URB1: variants seen among roughly 807,000 people sequenced by gnomAD.
URB1 encodes the protein nucleolar pre-ribosomal-associated protein 1.
A neutral mutation model predicts 242.3 loss-of-function variants in URB1; 197 were observed. That is an observed-to-expected ratio of 0.81 (90% CI 0.72 to 0.91). The LOEUF is 0.91. Among genes scored for constraint, URB1 ranks in the 40% least tolerant of loss-of-function variants. URB1 has a pLI of 0.00. For synonymous variants in URB1, 1,153 were observed against 1,201.8 expected, an observed-to-expected ratio of 0.96 and a Z score of 0.84; for missense variants, 2,721 against 2,860.5, an observed-to-expected ratio of 0.95 and a Z score of 1.11.
At chr21:32,365,726 G>A (rs1179529407) in intron 10 of URB1, among the ~76,000 whole-genome samples, 1 of 152,096 alleles carries the variant, frequency 6.6e-6, no homozygotes, top group Non-Finnish European at 1.5e-5. Context: ...ACCCTGGAGG[G>A]GTATCAAAAA....
rs1163058373 is a variant in URB1, at chr21:32,359,875, A to T, written c.1790T>A (p.Val597Glu). 2 of 1,547,924 alleles carry T rather than the reference A, an allele frequency of 1.3e-6. No homozygotes were observed. Among genetic ancestry groups the T allele is most frequent in the African/African-American group, 1.4e-5 (1 of 72,768 alleles). ...VISEQGLREE[V>E]PPILQHHMLK... ...CATGTGGTGCTGCAGAATGGGAGGC[A>T]CCTCCTCTCGAAGGCCCTGCTCAGA... The change falls in exon 14 of 39, where the codon GTG (valine) becomes GAG (glutamate). Residue 597 changes from valine to glutamate, a missense_variant. Val to Glu is a moderately radical substitution (Grantham distance 121). Coordinates refer to ENST00000382751, the MANE Select transcript of URB1 (RefSeq NM_014825.3).
chr21:32,344,583 A>T lies in URB1; in HGVS notation c.4244T>A (p.Leu1415Ter). 4 of 1,552,266 alleles carry T rather than the reference A, an allele frequency of 2.6e-6. No individual in the cohort carries two copies. The highest frequency in any genetic ancestry group is 3.5e-6 in the Non-Finnish European group (4 of 1,147,126). Residue 1415 changes from leucine (L) to a stop codon, truncating the protein, a stop_gained, in exon 24 of 39, where the codon TTA (leucine) becomes TAA (stop). Coordinates refer to ENST00000382751, the MANE Select transcript of URB1 (RefSeq NM_014825.3). LOFTEE classifies it high-confidence loss of function. ...QNQEKEMLLR[L>*]NALLHALNEV... ...AAAGACACTTACCAACAACGCATTT[A>T]ATCTAAGCAGCATTTCCTTCTCCTG...
chr21:32,329,960 G>C (rs1322620505), intron 30 of URB1, among the ~76,000 whole-genome samples: 1 of 152,162 alleles, frequency 6.6e-6, no homozygotes, highest in East Asian at 1.9e-4. Context: ...AGGGAGGAAG[G>C]GGCTTGAGGA....
chr21:32,352,237 T>C (rs2033166352), intron 19 of URB1, among the ~76,000 whole-genome samples: 2 of 152,052 alleles, frequency 1.3e-5, no homozygotes, highest in South Asian at 4.1e-4. Flanking sequence ...GAGAATGTAG[T>C]CCCCAGCAAA....
Position 32,393,004 on chromosome 21 carries a change from A to C in URB1, c.-94T>G. 8.7e-6 allele frequency: 12 copies of C among 1,372,476 alleles called. No homozygotes were observed. Among genetic ancestry groups the C allele is most frequent in the Non-Finnish European group, 1.1e-5 (12 of 1,051,106 alleles). 85.0% of individuals were successfully genotyped at this position (1,372,476 alleles called of 1,614,324 possible). A position where few individuals can be genotyped will look rare whatever the true frequency, so the allele number is the denominator to read the frequency against. On this transcript the variant is annotated 5_prime_UTR_variant, in exon 1 of 39. The change abolishes an upstream ATG in the 5' untranslated region. Coordinates refer to ENST00000382751, the MANE Select transcript of URB1 (RefSeq NM_014825.3). ...CAGCAGACACGCGCTTCAGGCCCAC[A>C]TGGCGCAGGAAGAGGCGGGGCTGGC... is the stretch of plus-strand genomic sequence containing the variant.
intron 26 of URB1, 81 bp downstream of exon 26, chr21:32,338,626 A>G (rs2032990904): frequency 6.8e-7 from 1 of 1,462,350 alleles, no homozygotes; most frequent in Admixed American, 2.0e-5. Flanking sequence ...CCGGAGGGAG[A>G]TGAGCCTCAG....
chr21:32,341,440 G>A (rs2033028080), intron 25 of URB1, 26 bp downstream of exon 25: 1 of 1,550,266 alleles, frequency 6.5e-7, no homozygotes, highest in African/African-American at 1.4e-5. Flanking sequence ...TTACCGAAGG[G>A]CACCAAGAAA....
chr21:32,333,281 A>G, intron 30 of URB1, 36 bp downstream of exon 30: 1 of 1,527,268 alleles, frequency 6.5e-7, no homozygotes. Context: ...GAAGTCATGC[A>G]TAGCAAGCCC....
intron 20 of URB1, among the ~76,000 whole-genome samples, chr21:32,349,892 C>T (rs1005528023): frequency 8.7e-5 from 13 of 149,876 alleles, no homozygotes; most frequent in African/African-American, 3.0e-4. Flanking sequence ...GTCAGGAGTT[C>T]AAGACCAGCC....
At chr21:32,358,037 AAAAAC>A (rs2033244618) in intron 14 of URB1, among the ~76,000 whole-genome samples, 1 of 152,200 alleles carries the variant, frequency 6.6e-6, no homozygotes, top group African/African-American at 2.4e-5. Context: ...TCCAAAAACA[AAAAAC>A]AAAACATAAC....
Position 32,361,922 on chromosome 21 carries a change from G to A in URB1, c.1609C>T (p.Pro537Ser), listed in dbSNP as rs1351066841. 6.4e-6 allele frequency: 10 copies of A among 1,551,324 alleles called. No homozygotes were observed. The highest frequency in any genetic ancestry group is 1.4e-5 in the African/African-American group (1 of 73,042). The change falls in exon 12 of 39, where the codon CCC (proline) becomes TCC (serine). Residue 537 changes from proline to serine, a missense_variant. By Grantham distance (74) the Pro-to-Ser change is moderately conservative. Coordinates refer to ENST00000382751, the MANE Select transcript of URB1 (RefSeq NM_014825.3). Reference sequence around the variant, plus strand: ...TGGTGAGCATCGCAGGCAGCCGGGGGCCCATCGCTCCTTTTCTGCCCTTTC... The same window carrying A: ...TGGTGAGCATCGCAGGCAGCCGGGGACCCATCGCTCCTTTTCTGCCCTTTC... Reference protein sequence around the residue: ...DKKGQKRSDGPPAACDAHQCD... With the variant: ...DKKGQKRSDGSPAACDAHQCD...
chr21:32,319,592 C>G (rs556173001), intron 35 of URB1, among the ~76,000 whole-genome samples, 178 bp from the exon 36 acceptor site: 1 of 152,344 alleles, frequency 6.6e-6, no homozygotes, highest in Admixed American at 6.5e-5. Flanking sequence ...ACCGTCCTAA[C>G]AGAAGATTGC....
intron 16 of URB1, 127 bp downstream of exon 16, chr21:32,355,322 A>G (rs1200465464): frequency 2.5e-6 from 2 of 810,688 alleles, no homozygotes; most frequent in Non-Finnish European, 3.9e-6. Flanking sequence ...AGTCTCAGCA[A>G]GAATTAGGAA....
intron 7 of URB1, among the ~76,000 whole-genome samples, chr21:32,373,204 G>A (rs937728647): frequency 6.6e-6 from 1 of 152,138 alleles, no homozygotes; most frequent in African/African-American, 2.4e-5. Context: ...ATGTCAGTAG[G>A]TGAGGCTCCT....
chr21:32,361,159 A>AAAGG, intron 12 of URB1, 36 bp from the exon 13 acceptor site: 1 of 268,418 alleles, frequency 3.7e-6, no homozygotes, highest in Admixed American at 6.9e-5. Flanking sequence ...AAAAAGAGAA[A>AAAGG]AAAGAAAGAA....
At chr21:32,361,634 A>G (rs2123599071) in intron 12 of URB1, among the ~76,000 whole-genome samples, 1 of 152,330 alleles carries the variant, frequency 6.6e-6, no homozygotes, top group East Asian at 1.9e-4. Context: ...AGCACATGGC[A>G]CCCAACACTC....
chr21:32,385,093 G>A (rs2033569396), intron 2 of URB1, among the ~76,000 whole-genome samples: 1 of 151,732 alleles, frequency 6.6e-6, no homozygotes. Flanking sequence ...TTAATGACTG[G>A]GTCTCATTCC....
At chr21:32,359,671 A>C (rs988222045) in intron 14 of URB1, 125 bp downstream of exon 14, 2 of 801,612 alleles carry the variant, frequency 2.5e-6, no homozygotes, top group South Asian at 2.3e-5. Flanking sequence ...CTCTAAAATG[A>C]GAACTGTTAA....
At chr21:32,357,713 AAT>A (rs2033238568) in intron 14 of URB1, 57 bp from the exon 15 acceptor site, 3 of 1,219,520 alleles carry the variant, frequency 2.5e-6, no homozygotes, top group Non-Finnish European at 3.1e-6. Flanking sequence ...ATATAATTTT[AAT>A]ATATAGTTAT....
Sources: gnomAD v4.1 joint callset for allele counts (sites outside exome capture counted in the v4.1 genomes callset) on GRCh38, gnomAD v4.1.1 for gene constraint, MANE v1.5 for transcripts, NCBI Gene and HGNC (gene_info 2026-07-23, HGNC 2026-07-21) for gene names.